Variants in FHIP1A observed in about 807,000 individuals in gnomAD.
FHIP1A encodes the protein FHF complex subunit HOOK-interacting protein 1A.
A neutral mutation model predicts 88.6 loss-of-function variants in FHIP1A; 61 were observed. That is an observed-to-expected ratio of 0.69 (90% CI 0.56 to 0.85). The LOEUF is 0.85. Among genes scored for constraint, FHIP1A ranks in the 40% least tolerant of loss-of-function variants. The pLI is 0.00. For missense variants in FHIP1A, 1,154 were observed against 1,273.5 expected, an observed-to-expected ratio of 0.91 and a Z score of 1.43; for synonymous variants, 478 against 496.0, an observed-to-expected ratio of 0.96 and a Z score of 0.48.
At chr4:151,471,620 A>T (rs760220743) in intron 2 of FHIP1A, among the ~76,000 whole-genome samples, 12 of 151,588 alleles carry the variant, frequency 7.9e-5, no homozygotes, top group African/African-American at 2.2e-4. Flanking sequence ...CTTTTTTTTT[A>T]AATTTTATTT....
rs1481490374 is a variant in FHIP1A, at chr4:151,666,099, G to C, written c.*3345G>C. Among the ~76,000 whole-genome samples the C allele has an allele frequency of 6.6e-6, 1 of 152,222 alleles. No individual in the cohort carries two copies. The highest frequency in any genetic ancestry group is 1.5e-5 in the Non-Finnish European group (1 of 68,046). ...GTGACTTCTGTGGTTCAAAATATATGAGAGCACTGGGATATTTAAAATTGA... is the reference window on the plus strand; with the variant it reads ...GTGACTTCTGTGGTTCAAAATATATCAGAGCACTGGGATATTTAAAATTGA... On this transcript the variant is annotated 3_prime_UTR_variant, in exon 14 of 14. Coordinates refer to ENST00000435205, the MANE Select transcript of FHIP1A (RefSeq NM_001109977.3).
intron 1 of FHIP1A, among the ~76,000 whole-genome samples, chr4:151,449,721 A>T (rs932099259): frequency 1.3e-5 from 2 of 151,922 alleles, no homozygotes; most frequent in East Asian, 3.9e-4. Flanking sequence ...GCATCTTAAT[A>T]CTTGTCTGTC....
At chr4:151,481,759 G>A (rs1580616380) in intron 2 of FHIP1A, among the ~76,000 whole-genome samples, 1 of 152,034 alleles carries the variant, frequency 6.6e-6, no homozygotes, top group Non-Finnish European at 1.5e-5. Flanking sequence ...GTGGCTTCTT[G>A]TGGTTTTGTT....
intron 9 of FHIP1A, among the ~76,000 whole-genome samples, chr4:151,643,143 C>T (rs1476714004): frequency 1.3e-5 from 2 of 151,960 alleles, no homozygotes; most frequent in Non-Finnish European, 2.9e-5. Flanking sequence ...CTATTGACAG[C>T]CAATTCATTT....
At chr4:151,605,143 T>C (rs1451670478) in intron 7 of FHIP1A, among the ~76,000 whole-genome samples, 1 of 152,174 alleles carries the variant, frequency 6.6e-6, no homozygotes, top group Non-Finnish European at 1.5e-5. Context: ...AAGAGGGGAC[T>C]GTTAGGTTGT....
chr4:151,524,276 T>C (rs1355765067), intron 3 of FHIP1A, among the ~76,000 whole-genome samples: 2 of 150,070 alleles, frequency 1.3e-5, no homozygotes, highest in Non-Finnish European at 3.0e-5. Context: ...CTCTCCAGCC[T>C]GGGTGACAGA....
intron 7 of FHIP1A, among the ~76,000 whole-genome samples, chr4:151,613,419 C>G (rs533974789): frequency 2.0e-5 from 3 of 152,082 alleles, no homozygotes; most frequent in Non-Finnish European, 2.9e-5. Flanking sequence ...ATCTGTCAAG[C>G]GGGATAACTT....
chr4:151,516,839 T>G (rs1017655172), intron 3 of FHIP1A, among the ~76,000 whole-genome samples: 20 of 151,316 alleles, frequency 1.3e-4, no homozygotes, highest in Admixed American at 1.3e-3. Context: ...TAGGAACACT[T>G]TTCCACTGTT....
intron 3 of FHIP1A, among the ~76,000 whole-genome samples, chr4:151,488,772 T>C (rs954811911): frequency 4.6e-5 from 7 of 152,268 alleles, no homozygotes; most frequent in Admixed American, 3.9e-4. Context: ...CTGCATCTTA[T>C]TTATTTCTGT....
At chr4:151,645,511 T>C (rs1736758262) in intron 9 of FHIP1A, among the ~76,000 whole-genome samples, 1 of 151,806 alleles carries the variant, frequency 6.6e-6, no homozygotes, top group African/African-American at 2.4e-5. Context: ...TTTATCTTTT[T>C]TTTACAAAAA....
intron 3 of FHIP1A, among the ~76,000 whole-genome samples, chr4:151,500,347 T>A (rs1730605213): frequency 6.6e-6 from 1 of 150,974 alleles, no homozygotes; most frequent in Non-Finnish European, 1.5e-5. Context: ...AATAACTAGG[T>A]AGAATCTACT....
At chr4:151,611,105 A>T (rs960783938) in intron 7 of FHIP1A, among the ~76,000 whole-genome samples, 1 of 152,034 alleles carries the variant, frequency 6.6e-6, no homozygotes, top group Non-Finnish European at 1.5e-5. Flanking sequence ...GTGTGTATGT[A>T]GCTATGAGAG....
At chr4:151,557,552 T>C (rs948124082) in intron 3 of FHIP1A, among the ~76,000 whole-genome samples, 2 of 152,164 alleles carry the variant, frequency 1.3e-5, no homozygotes, top group African/African-American at 4.8e-5. Context: ...GAGGAAAGTG[T>C]AGATGAATTG....
intron 1 of FHIP1A, among the ~76,000 whole-genome samples, chr4:151,435,841 G>C (rs1445676140): frequency 6.6e-6 from 1 of 151,188 alleles, no homozygotes; most frequent in Non-Finnish European, 1.5e-5. Flanking sequence ...AGAATCATAT[G>C]AATATCAAGT....
chr4:151,480,475 C>T (rs1729854382), intron 2 of FHIP1A, among the ~76,000 whole-genome samples: 1 of 152,044 alleles, frequency 6.6e-6, no homozygotes, highest in African/African-American at 2.4e-5. Flanking sequence ...CATCTAGCAG[C>T]AATCTGTAAT....
chr4:151,504,405 T>C (rs138053627), intron 3 of FHIP1A, among the ~76,000 whole-genome samples: 3 of 152,228 alleles, frequency 2.0e-5, no homozygotes, highest in African/African-American at 7.2e-5. Context: ...AAGCCAGTTA[T>C]TTAAGTGAAT....
intron 2 of FHIP1A, among the ~76,000 whole-genome samples, chr4:151,457,139 G>A (rs1388193875): frequency 6.6e-6 from 1 of 152,030 alleles, no homozygotes; most frequent in Non-Finnish European, 1.5e-5. Context: ...GGCTTTTTTG[G>A]TAATTTTAAC....
At chr4:151,504,767 A>T (rs891994940) in intron 3 of FHIP1A, among the ~76,000 whole-genome samples, 3 of 152,200 alleles carry the variant, frequency 2.0e-5, no homozygotes, top group East Asian at 1.9e-4. Flanking sequence ...GATTACAGGC[A>T]TGTGTCACCA....
intron 11 of FHIP1A, among the ~76,000 whole-genome samples, chr4:151,651,414 C>A (rs937781578): frequency 2.6e-5 from 4 of 152,236 alleles, no homozygotes; most frequent in African/African-American, 4.8e-5. Context: ...TCAGGGAAGG[C>A]CAGGGTGGGA....
Sources: gnomAD v4.1 joint callset for allele counts (sites outside exome capture counted in the v4.1 genomes callset) on GRCh38, gnomAD v4.1.1 for gene constraint, MANE v1.5 for transcripts, NCBI Gene and HGNC (gene_info 2026-07-23, HGNC 2026-07-21) for gene names.